Variants in POLA1 observed in about 807,000 individuals in gnomAD.
The protein encoded by POLA1 is DNA polymerase alpha catalytic subunit.
Under a neutral mutation model 124.0 loss-of-function variants are expected in POLA1, and 15 were observed. The observed-to-expected ratio is 0.12, with a 90% CI of 0.08 to 0.19. The LOEUF (loss-of-function observed/expected upper bound fraction) is 0.19. POLA1 is among the 10% of genes least tolerant of loss of function. POLA1 has a pLI of 1.00. For synonymous variants in POLA1, 408 were observed against 389.4 expected, an observed-to-expected ratio of 1.05 and a Z score of -0.56; for missense variants, 886 against 1,103.4, an observed-to-expected ratio of 0.80 and a Z score of 2.79.
intron 34 of POLA1, among the ~76,000 whole-genome samples, chrX:24,873,820 C>A (rs1422126295): frequency 1.8e-5 from 2 of 111,539 alleles, no homozygotes; most frequent in Non-Finnish European, 3.8e-5. Flanking sequence ...TTTAAATTAA[C>A]CCAATATATC....
chrX:24,963,856 A>G (rs11573504), intron 36 of POLA1, among the ~76,000 whole-genome samples: 5,130 of 111,723 alleles, frequency 0.046, 126 homozygotes, highest in Non-Finnish European at 0.074. Flanking sequence ...CCCCAAACTA[A>G]TAACTCCCTG....
At chrX:24,970,469 A>G (rs763471612) in intron 36 of POLA1, among the ~76,000 whole-genome samples, 48 of 112,289 alleles carry the variant, frequency 4.3e-4, no homozygotes, top group African/African-American at 1.6e-3. Flanking sequence ...ATATATTTAA[A>G]CTTAAGAGCT....
At chrX:24,741,349 T>C (rs1280392206) in intron 20 of POLA1, 26 bp from the exon 21 acceptor site, 1 of 1,134,044 alleles carries the variant, frequency 8.8e-7, no homozygotes, top group South Asian at 1.9e-5. Context: ...TACTTGATTC[T>C]GTTTCATTCT....
chrX:24,743,335 G>A lies in POLA1; in HGVS notation c.2566+6G>A. ...GGTTTTGGACCCCAAAGTTGGTAAG[G>A]CTGGGCAGTGAATTGGTTTTCTCCC... On this transcript the variant is annotated splice_donor_region_variant and intron_variant, in intron 23 of 36. Coordinates refer to ENST00000379068, the MANE Select transcript of POLA1 (RefSeq NM_001330360.2). The A allele has an allele frequency of 4.0e-6, 4 of 1,004,147 alleles. No homozygotes were observed. The highest frequency in any genetic ancestry group is 5.2e-4 in the Middle Eastern group (2 of 3,876). The allele number at this position is 1,004,147 out of a possible 1,213,427, so 82.8% of individuals were successfully genotyped here. A position where few individuals can be genotyped will look rare whatever the true frequency, so the allele number is the denominator to read the frequency against.
At chrX:24,959,946 C>A (rs1037412677) in intron 36 of POLA1, among the ~76,000 whole-genome samples, 1 of 111,724 alleles carries the variant, frequency 9.0e-6, no homozygotes, top group Non-Finnish European at 1.9e-5. Context: ...ATCCTCCACG[C>A]TGCTGTCAGA....
chrX:24,800,903 G>A (rs1202813495), intron 26 of POLA1, among the ~76,000 whole-genome samples: 3 of 111,968 alleles, frequency 2.7e-5, no homozygotes, highest in Non-Finnish European at 5.6e-5. Flanking sequence ...TCAAACTGTA[G>A]GGCAATAATG....
intron 34 of POLA1, among the ~76,000 whole-genome samples, chrX:24,861,116 T>C (rs987202608): frequency 3.6e-5 from 4 of 112,396 alleles, no homozygotes; most frequent in African/African-American, 1.3e-4. Context: ...AGTTGTTGTA[T>C]TTTTTTATTT....
rs1188787972 is a variant in POLA1, at chrX:24,726,793, G to T, written c.1393-140G>T. 4.1e-5 allele frequency: 17 copies of T among 419,714 alleles called. No individual in the cohort carries two copies. In the East Asian group the frequency reaches 6.8e-4, roughly 17 times the overall value. The allele number at this position is 419,714 out of a possible 1,213,427, so 34.6% of individuals were successfully genotyped here. On this transcript the variant is annotated intron_variant, in intron 13 of 36. Transcript: ENST00000379068. Reference sequence around the variant, plus strand: ...TGAATTGTTTTGGATTTCATTTGTGGCAAATTACATTTCATATATATCAAA... The same window carrying T: ...TGAATTGTTTTGGATTTCATTTGTGTCAAATTACATTTCATATATATCAAA...
chrX:24,808,613 C>T (rs1434601295), intron 26 of POLA1, among the ~76,000 whole-genome samples: 1 of 111,024 alleles, frequency 9.0e-6, no homozygotes, highest in Non-Finnish European at 1.9e-5. Context: ...TTCACCACCC[C>T]CCAGGTAGGA....
At chrX:24,754,351 G>A (rs1467885191) in intron 26 of POLA1, among the ~76,000 whole-genome samples, 2 of 108,889 alleles carry the variant, frequency 1.8e-5, no homozygotes, top group Non-Finnish European at 3.8e-5. Flanking sequence ...TCCACCTCCC[G>A]GGTTCAAGCG....
chrX:24,773,631 A>G (rs1027141483), intron 26 of POLA1, among the ~76,000 whole-genome samples: 2 of 112,180 alleles, frequency 1.8e-5, no homozygotes, highest in Non-Finnish European at 3.8e-5. Flanking sequence ...TAAATAAGTT[A>G]TTAAATGTGA....
chrX:24,776,337 C>A (rs2148445837), intron 26 of POLA1, among the ~76,000 whole-genome samples: 1 of 111,772 alleles, frequency 8.9e-6, no homozygotes, highest in East Asian at 2.8e-4. Flanking sequence ...TTTAAAGGCT[C>A]TTTTCTCCTC....
chrX:24,905,722 C>T (rs1315974698), intron 35 of POLA1, among the ~76,000 whole-genome samples: 1 of 110,439 alleles, frequency 9.1e-6, no homozygotes, highest in Non-Finnish European at 1.9e-5. Flanking sequence ...ACCACCACGC[C>T]CGGCTAATTT....
In POLA1 at chrX:24,821,531, A is replaced by G; in HGVS notation, c.3509A>G (p.Gln1170Arg). The stretch of plus-strand genomic sequence containing the variant: ...CATGTTGCCCTCTGGATAAATTCTC[A>G]AGGAGGCAGAAAGGTGAAAGCTGGA... ...HVHVALWINS[Q>R]GGRKVKAGDT... The change falls in exon 31 of 37, where the codon CAA (glutamine) becomes CGA (arginine). Residue 1170 changes from glutamine to arginine, a missense_variant. Around this residue, in one of 7 missense-constraint regions of POLA1, gnomAD observed 313 missense variants for 359.7 expected, o/e 0.87. Transcript: ENST00000379068. 1 of 1,200,069 alleles carries G rather than the reference A, an allele frequency of 8.3e-7. No homozygotes were observed. Among genetic ancestry groups the G allele is most frequent in the Non-Finnish European group, 1.1e-6 (1 of 885,166 alleles).
At chrX:24,882,219 C>T (rs2047011428) in intron 34 of POLA1, among the ~76,000 whole-genome samples, 1 of 111,842 alleles carries the variant, frequency 8.9e-6, no homozygotes, top group South Asian at 3.8e-4. Flanking sequence ...CTCAAGTATG[C>T]AAACTACTAT....
At chrX:24,770,604 A>G (rs1294497331) in intron 26 of POLA1, among the ~76,000 whole-genome samples, 3 of 111,543 alleles carry the variant, frequency 2.7e-5, no homozygotes, top group Non-Finnish European at 5.7e-5. Context: ...TTGGTACACA[A>G]AGAATCTTCT....
At chrX:24,971,325 C>T (rs1320584198) in intron 36 of POLA1, among the ~76,000 whole-genome samples, 2 of 112,392 alleles carry the variant, frequency 1.8e-5, no homozygotes, top group African/African-American at 3.2e-5. Flanking sequence ...TCAGTGCAGA[C>T]TGTCATGTAC....
chrX:24,720,183 C>T (rs1034944907), intron 10 of POLA1, among the ~76,000 whole-genome samples: 4 of 112,066 alleles, frequency 3.6e-5, no homozygotes, highest in Admixed American at 2.8e-4. Flanking sequence ...GCTCATCTGA[C>T]TCATTCTTTA....
intron 35 of POLA1, among the ~76,000 whole-genome samples, chrX:24,923,143 G>T (rs2047640855): frequency 9.0e-6 from 1 of 111,491 alleles, no homozygotes. Flanking sequence ...ATTGCCATGT[G>T]CAGAATGACT....
Sources: allele counts gnomAD v4.1 joint callset (sites outside exome capture counted in the v4.1 genomes callset), GRCh38; gene constraint gnomAD v4.1.1; regional missense constraint gnomAD v4.1.1; transcripts MANE v1.5; gene names NCBI Gene and HGNC (gene_info 2026-07-23, HGNC 2026-07-21).